HDAC4: variants seen among roughly 807,000 people sequenced by gnomAD.
HDAC4 encodes histone deacetylase A.
A neutral mutation model predicts 135.1 loss-of-function variants in HDAC4; 16 were observed. That is an observed-to-expected ratio of 0.12 (90% CI 0.08 to 0.18). The LOEUF is 0.18. Ranked by LOEUF, HDAC4 falls within the 10% of genes least tolerant of loss-of-function variation. HDAC4 has a pLI of 1.00. For missense variants in HDAC4, 1,143 were observed against 1,511.8 expected, an observed-to-expected ratio of 0.76 and a Z score of 4.05; for synonymous variants, 685 against 653.4, an observed-to-expected ratio of 1.05 and a Z score of -0.74.
chr2:239,118,233 G>C (rs1222851995), intron 12 of HDAC4, among the ~76,000 whole-genome samples: 2 of 152,200 alleles, frequency 1.3e-5, no homozygotes, highest in African/African-American at 4.8e-5. Flanking sequence ...CTTTCTAAGA[G>C]CAGTTTAAAG....
chr2:239,303,050 C>T lies in HDAC4; in HGVS notation c.22+49628G>A, dbSNP rs369954908. Among the ~76,000 whole-genome samples, 15 of 152,308 alleles carry T rather than the reference C, an allele frequency of 9.8e-5. No individual in the cohort carries two copies. The highest frequency in any genetic ancestry group is 3.9e-4 in the East Asian group (2 of 5,164). ...ACCTCGGGAGTCCTCAAACCCCCCCCGGGTGGGAGAGGTCATCACCTCCGC... is the reference window on the plus strand; with the variant it reads ...ACCTCGGGAGTCCTCAAACCCCCCCTGGGTGGGAGAGGTCATCACCTCCGC... On this transcript the variant is annotated intron_variant, in intron 2 of 26. Transcript: ENST00000543185. This position sits in a 1 kb window ranked among gnomAD's most constrained non-coding sequence, Gnocchi z 5.1.
chr2:239,326,502 G>T (rs1023549138), intron 2 of HDAC4, among the ~76,000 whole-genome samples: 1 of 152,132 alleles, frequency 6.6e-6, no homozygotes, highest in Non-Finnish European at 1.5e-5. Context: ...AAAATGCTTA[G>T]AATTATAAAT....
At chr2:239,131,907 C>T (rs1032369897) in intron 11 of HDAC4, among the ~76,000 whole-genome samples, 4 of 152,244 alleles carry the variant, frequency 2.6e-5, no homozygotes, top group African/African-American at 9.6e-5. Context: ...GCGTGGGGGC[C>T]TCCAGGCCTT....
intron 2 of HDAC4, among the ~76,000 whole-genome samples, chr2:239,278,165 A>G (rs1017102553): frequency 4.6e-5 from 6 of 129,392 alleles, no homozygotes; most frequent in African/African-American, 1.6e-4. Context: ...TTTTCAAATT[A>G]TCCCACCATT....
At chr2:239,140,961 A>G in intron 8 of HDAC4, 1 of 443,184 alleles carries the variant, frequency 2.3e-6, no homozygotes, top group Non-Finnish European at 4.7e-6. Context: ...GTGGGGGAAC[A>G]GGTAAAGCCA....
At chr2:239,092,126 C>CAACTCAGG (rs1157171962) in intron 17 of HDAC4, among the ~76,000 whole-genome samples, 3 of 151,932 alleles carry the variant, frequency 2.0e-5, no homozygotes, top group African/African-American at 7.3e-5. Context: ...GTAGTCCCCA[C>CAACTCAGG]AACTCAGGAC....
chr2:239,179,811 G>A (rs1036924129), intron 4 of HDAC4, among the ~76,000 whole-genome samples: 5 of 152,250 alleles, frequency 3.3e-5, no homozygotes, highest in African/African-American at 7.2e-5. Flanking sequence ...GAGCCCACGC[G>A]GCGTGCTCAG....
At chr2:239,128,832 C>A (rs3791456) in intron 11 of HDAC4, among the ~76,000 whole-genome samples, 2 of 152,164 alleles carry the variant, frequency 1.3e-5, no homozygotes, top group African/African-American at 4.8e-5. Flanking sequence ...GAGAAGGACA[C>A]GCCAACTTCA....
chr2:239,127,059 A>T (rs2040241395), intron 11 of HDAC4, among the ~76,000 whole-genome samples: 2 of 152,178 alleles, frequency 1.3e-5, no homozygotes, highest in Admixed American at 1.3e-4. Flanking sequence ...TTTGGTCTGA[A>T]CAGCACGGTG....
At chr2:239,310,427 A>G (rs1408262184) in intron 2 of HDAC4, among the ~76,000 whole-genome samples, 1 of 152,200 alleles carries the variant, frequency 6.6e-6, no homozygotes, top group Non-Finnish European at 1.5e-5. Flanking sequence ...TGTTTCACAG[A>G]GTAGCTTCAA....
chr2:239,176,669 G>A, intron 4 of HDAC4, 106 bp from the exon 5 acceptor site: 3 of 1,054,826 alleles, frequency 2.8e-6, no homozygotes, highest in Non-Finnish European at 4.2e-6. Context: ...CGTCTGCCCT[G>A]GTGTGGCCCT....
At position 239,144,731 on chromosome 2, in the gene HDAC4, T is replaced by C. The variant is rs775004440; in HGVS notation, c.734-17A>G. 1.9e-6 allele frequency: 3 copies of C among 1,614,002 alleles called. No individual in the cohort carries two copies. The highest frequency in any genetic ancestry group is 3.3e-5 in the Admixed American group (2 of 60,034). The stretch of plus-strand genomic sequence containing the variant: ...GTTCAGAAGCTGCACAAAAAGGAGA[T>C]GTCATTACAGCCAGGCAGACACCAC... On this transcript the variant is annotated splice_polypyrimidine_tract_variant and intron_variant, in intron 7 of 26. Transcript: ENST00000543185.
intron 2 of HDAC4, among the ~76,000 whole-genome samples, chr2:239,281,829 ACAC>A (rs1422531323): frequency 6.7e-6 from 1 of 149,078 alleles, no homozygotes; most frequent in African/African-American, 2.5e-5. Context: ...CTCAATGTAC[ACAC>A]CACTCTACAA....
intron 2 of HDAC4, among the ~76,000 whole-genome samples, chr2:239,249,786 AAAAAC>A (rs1318799350): frequency 2.6e-5 from 4 of 151,698 alleles, no homozygotes; most frequent in African/African-American, 7.3e-5. Context: ...AAGAAAAAAA[AAAAAC>A]AAGGAGCTGA....
rs371705406 is a variant in HDAC4 at position 239,139,676 on chromosome 2, G to A, written c.978+8C>T. 42 of 1,610,872 alleles carry A rather than the reference G, an allele frequency of 2.6e-5. No homozygotes were observed. The highest frequency in any genetic ancestry group is 1.6e-4 in the African/African-American group (12 of 74,894). ...CCGTAGGACACAGGACAAACGCTTC[G>A]CACTGACCTCCGCCGGGATGCTGGG... On this transcript the variant is annotated splice_region_variant and intron_variant, in intron 9 of 26. Coordinates refer to ENST00000543185, the MANE Select transcript of HDAC4 (RefSeq NM_001378414.1). This position sits in a 1 kb window ranked among gnomAD's most constrained non-coding sequence, Gnocchi z 5.3.
chr2:239,061,310 G>T (rs572955323), intron 24 of HDAC4, among the ~76,000 whole-genome samples: 1 of 151,746 alleles, frequency 6.6e-6, no homozygotes, highest in African/African-American at 2.4e-5. Flanking sequence ...CAGATGTGTG[G>T]TGTGTGCATG....
chr2:239,094,062 C>T, intron 17 of HDAC4: 1 of 985,438 alleles, frequency 1.0e-6, no homozygotes, highest in Non-Finnish European at 1.2e-6. Context: ...TGAGCTTCAC[C>T]CTGCGATCAG....
intron 2 of HDAC4, among the ~76,000 whole-genome samples, chr2:239,273,818 G>C (rs1009773219): frequency 6.6e-6 from 1 of 152,240 alleles, no homozygotes; most frequent in Non-Finnish European, 1.5e-5. Flanking sequence ...TCCATCACAA[G>C]TGACAGTGGC....
chr2:239,267,352 A>G (rs1478391009), intron 2 of HDAC4, among the ~76,000 whole-genome samples: 1 of 152,214 alleles, frequency 6.6e-6, no homozygotes, highest in Non-Finnish European at 1.5e-5. Flanking sequence ...CTCCCGAGGA[A>G]GCCGATGGAG....
Sources: allele counts gnomAD v4.1 joint callset (sites outside exome capture counted in the v4.1 genomes callset), GRCh38; gene constraint gnomAD v4.1.1; non-coding constraint Gnocchi (gnomAD v3.1); transcripts MANE v1.5; gene names NCBI Gene and HGNC (gene_info 2026-07-23, HGNC 2026-07-21).